Variants in KHDRBS2 observed in about 807,000 individuals in gnomAD.
KHDRBS2 encodes the protein KH RNA binding domain containing, signal transduction associated 2, also known as KH domain-containing, RNA-binding, signal transduction-associated protein 2.
A neutral mutation model predicts 44.3 loss-of-function variants in KHDRBS2; 26 were observed. The ratio of observed to expected loss-of-function variants is 0.59; its 90% confidence interval spans 0.43 to 0.81. The LOEUF (loss-of-function observed/expected upper bound fraction) is 0.81. Among genes scored for constraint, KHDRBS2 ranks in the 40% least tolerant of loss-of-function variants. The pLI, the probability that KHDRBS2 is intolerant of heterozygous loss-of-function variation, is 0.00. For synonymous variants in KHDRBS2, 194 were observed against 151.1 expected (o/e 1.28, Z -2.08); for missense variants, 476 against 433.1 (o/e 1.10, Z -0.88).
chr6:61,605,101 C>T, the KHDRBS2 span, among the ~76,000 whole-genome samples: 1 of 152,178 alleles, frequency 6.6e-6, no homozygotes, highest in Admixed American at 6.5e-5. Context: ...ACTTTTACCA[C>T]TTGCCCTTCT....
chr6:62,047,518 T>C (rs1444828687), intron 3 of KHDRBS2, among the ~76,000 whole-genome samples: 1 of 151,728 alleles, frequency 6.6e-6, no homozygotes, highest in African/African-American at 2.4e-5. Context: ...TGGATGTTAT[T>C]AGGTGATATG....
At chr6:61,583,747 T>G in the KHDRBS2 span, among the ~76,000 whole-genome samples, 2 of 151,670 alleles carry the variant, frequency 1.3e-5, no homozygotes, top group African/African-American at 4.8e-5. Flanking sequence ...TTTCTAGAAA[T>G]AATCTTGCTA....
chr6:61,660,105 G>A, the KHDRBS2 span, among the ~76,000 whole-genome samples: 9 of 151,792 alleles, frequency 5.9e-5, no homozygotes, highest in Non-Finnish European at 1.0e-4. Context: ...TAGTGCTAAT[G>A]ATTATGACCC....
chr6:62,130,096 A>G (rs1415231990), intron 2 of KHDRBS2, among the ~76,000 whole-genome samples: 1 of 152,232 alleles, frequency 6.6e-6, no homozygotes, highest in Non-Finnish European at 1.5e-5. Flanking sequence ...CAGAAGGGAC[A>G]CAGCTATGTC....
intron 4 of KHDRBS2, among the ~76,000 whole-genome samples, chr6:61,960,573 C>A (rs186378629): frequency 3.9e-5 from 6 of 152,088 alleles, no homozygotes; most frequent in Admixed American, 3.3e-4. Context: ...ACATGACTAG[C>A]TTATAGGGAT....
chr6:62,269,475 C>T (rs1839733124), intron 1 of KHDRBS2, among the ~76,000 whole-genome samples: 1 of 152,028 alleles, frequency 6.6e-6, no homozygotes, highest in African/African-American at 2.4e-5. Flanking sequence ...CCCAAAAGCA[C>T]ATGAAAGCAT....
intron 1 of KHDRBS2, among the ~76,000 whole-genome samples, chr6:62,281,439 G>T (rs551752485): frequency 6.6e-5 from 10 of 151,932 alleles, no homozygotes; most frequent in Non-Finnish European, 1.3e-4. Flanking sequence ...GGCCAACATG[G>T]TGAAATCCAG....
chr6:61,860,992 A>G (rs1432615369), intron 6 of KHDRBS2, among the ~76,000 whole-genome samples: 1 of 151,792 alleles, frequency 6.6e-6, no homozygotes, highest in Non-Finnish European at 1.5e-5. Flanking sequence ...TCTTTTTCAT[A>G]TGTTTGTTGT....
At chr6:61,617,762 T>A in the KHDRBS2 span, among the ~76,000 whole-genome samples, 330 of 152,244 alleles carry the variant, frequency 2.2e-3, 1 homozygote, top group African/African-American at 7.7e-3. Flanking sequence ...GAAGCACAAA[T>A]AAAATTGAAT....
intron 2 of KHDRBS2, among the ~76,000 whole-genome samples, chr6:62,106,647 C>CACAACAAAAAAAAGAGA (rs1803418616): frequency 6.6e-6 from 1 of 151,500 alleles, no homozygotes; most frequent in Non-Finnish European, 1.5e-5. Flanking sequence ...CGGGCAGAGA[C>CACAACAAAAAAAAGAGA]ATTTTAGACC....
At chr6:61,596,462 C>T in the KHDRBS2 span, among the ~76,000 whole-genome samples, 2 of 152,078 alleles carry the variant, frequency 1.3e-5, no homozygotes, top group African/African-American at 4.8e-5. Flanking sequence ...TACACATAGA[C>T]ATGTAGTCCT....
chr6:62,146,350 C>T (rs1263026231), intron 2 of KHDRBS2, among the ~76,000 whole-genome samples: 1 of 151,702 alleles, frequency 6.6e-6, no homozygotes, highest in African/African-American at 2.4e-5. Context: ...ACCAGTTTCC[C>T]AAATCACCTA....
chr6:62,093,856 T>TTGTTTGTG (rs1799978044), intron 2 of KHDRBS2, among the ~76,000 whole-genome samples: 1 of 143,214 alleles, frequency 7.0e-6, no homozygotes, highest in Non-Finnish European at 1.5e-5. Context: ...TTCCATTGTT[T>TTGTTTGTG]TGTGTGTGTG....
the KHDRBS2 span, among the ~76,000 whole-genome samples, chr6:61,650,411 T>TTC: frequency 3.9e-5 from 1 of 25,742 alleles, no homozygotes; most frequent in South Asian, 6.5e-4. Context: ...AAAAAAATGT[T>TTC]TTTTTTTTTT....
intron 2 of KHDRBS2, among the ~76,000 whole-genome samples, chr6:62,060,531 C>A (rs1222130742): frequency 1.3e-5 from 2 of 151,090 alleles, no homozygotes; most frequent in East Asian, 2.0e-4. Flanking sequence ...GCCAAGATAC[C>A]AACCTTACAA....
At chr6:62,020,246 A>G (rs1782008587) in intron 3 of KHDRBS2, among the ~76,000 whole-genome samples, 1 of 151,990 alleles carries the variant, frequency 6.6e-6, no homozygotes. Flanking sequence ...TTCCAGAGGT[A>G]TTATTTTCCA....
intron 6 of KHDRBS2, among the ~76,000 whole-genome samples, chr6:61,740,260 G>A (rs1276220984): frequency 1.3e-5 from 2 of 151,860 alleles, no homozygotes; most frequent in Non-Finnish European, 2.9e-5. Context: ...CCATTTCCAG[G>A]TGCACCAAGT....
At chr6:61,821,412 C>A (rs538985556) in intron 6 of KHDRBS2, among the ~76,000 whole-genome samples, 1 of 152,076 alleles carries the variant, frequency 6.6e-6, no homozygotes, top group African/African-American at 2.4e-5. Context: ...TGTGTAATTG[C>A]ACTGCATCAT....
intron 6 of KHDRBS2, among the ~76,000 whole-genome samples, chr6:61,791,751 CT>C (rs959012081): frequency 1.3e-5 from 2 of 151,180 alleles, no homozygotes; most frequent in African/African-American, 4.8e-5. Flanking sequence ...TCTAGCAGGG[CT>C]TTTTTTGGCC....
Sources: gnomAD v4.1 joint callset for allele counts (sites outside exome capture counted in the v4.1 genomes callset) on GRCh38, gnomAD v4.1.1 for gene constraint, MANE v1.5 for transcripts, NCBI Gene and HGNC (gene_info 2026-07-23, HGNC 2026-07-21) for gene names.